Variants in ILDR1 observed in about 807,000 individuals in gnomAD.
The protein encoded by ILDR1 is immunoglobulin like domain containing receptor 1.
A neutral mutation model predicts 62.4 loss-of-function variants in ILDR1; 56 were observed. The ratio of observed to expected loss-of-function variants is 0.90; its 90% CI spans 0.72 to 1.12. The LOEUF (loss-of-function observed/expected upper bound fraction) is 1.12. ILDR1 is among the 50% of genes most tolerant of loss of function. The probability of loss-of-function intolerance (pLI) is 0.00; values close to 1 mark genes in which losing one functional copy is unlikely to be tolerated. For synonymous variants in ILDR1, 284 were observed against 277.8 expected (o/e 1.02, Z -0.22); for missense variants, 736 against 710.6 (o/e 1.04, Z -0.41).
chr3:122,049,297 GA>G, the ILDR1 span, among the ~76,000 whole-genome samples: 1 of 152,068 alleles, frequency 6.6e-6, no homozygotes, highest in Admixed American at 6.5e-5. Flanking sequence ...TCCAGCATGT[GA>G]TCTATTAAAA....
chr3:122,022,502 G>A (rs1353350254), upstream of ILDR1, among the ~76,000 whole-genome samples: 3 of 152,184 alleles, frequency 2.0e-5, no homozygotes, highest in Non-Finnish European at 4.4e-5. Context: ...TAACTTTCTA[G>A]GGTGTGTTTC....
At chr3:122,053,989 T>C in the ILDR1 span, among the ~76,000 whole-genome samples, 2 of 152,256 alleles carry the variant, frequency 1.3e-5, no homozygotes, top group Admixed American at 1.3e-4. Context: ...ATTTTGAAGA[T>C]AGATAACTTA....
chr3:121,998,761 A>G (rs1193836795), intron 5 of ILDR1, among the ~76,000 whole-genome samples: 2 of 152,062 alleles, frequency 1.3e-5, no homozygotes, highest in Non-Finnish European at 1.5e-5. Flanking sequence ...AAGATCCCTG[A>G]AAGGTAGGGG....
chr3:122,032,931 T>A, the ILDR1 span, among the ~76,000 whole-genome samples: 2 of 152,218 alleles, frequency 1.3e-5, no homozygotes, highest in Non-Finnish European at 2.9e-5. Flanking sequence ...TTAAAAACCA[T>A]ACAGCCAAGC....
chr3:122,010,238 C>T (rs376889923), intron 1 of ILDR1, among the ~76,000 whole-genome samples: 6 of 152,056 alleles, frequency 3.9e-5, no homozygotes, highest in Non-Finnish European at 5.9e-5. Flanking sequence ...ATAAATAAGG[C>T]GGGGCTGGTG....
At chr3:122,026,416 A>T (rs901785033), upstream of ILDR1, among the ~76,000 whole-genome samples, 1 of 152,216 alleles carries the variant, frequency 6.6e-6, no homozygotes, top group African/African-American at 2.4e-5. Context: ...ATAATTGATG[A>T]TCAATTAGTG....
intron 1 of ILDR1, among the ~76,000 whole-genome samples, chr3:122,008,925 T>C (rs2071660517): frequency 6.6e-6 from 1 of 150,688 alleles, no homozygotes; most frequent in African/African-American, 2.4e-5. Context: ...TTTTTTTCTT[T>C]CTTTCTTTCT....
chr3:122,060,225 T>A, the ILDR1 span, among the ~76,000 whole-genome samples: 3 of 152,170 alleles, frequency 2.0e-5, no homozygotes, highest in Non-Finnish European at 4.4e-5. Context: ...CAGGTCAAAT[T>A]CTGCAGAAAG....
chr3:121,996,407 C>T (rs954493945), intron 5 of ILDR1, among the ~76,000 whole-genome samples: 2 of 152,210 alleles, frequency 1.3e-5, no homozygotes, highest in African/African-American at 4.8e-5. Flanking sequence ...AGGGTCTCAC[C>T]CTTCCTTCTT....
chr3:122,040,165 A>G, the ILDR1 span, among the ~76,000 whole-genome samples: 1 of 152,024 alleles, frequency 6.6e-6, no homozygotes, highest in Non-Finnish European at 1.5e-5. Context: ...GGAGTAAACC[A>G]GAATTAAACA....
the ILDR1 span, among the ~76,000 whole-genome samples, chr3:122,041,507 A>T: frequency 3.3e-5 from 5 of 152,200 alleles, no homozygotes; most frequent in African/African-American, 1.2e-4. Flanking sequence ...ACACAGTTTC[A>T]GGTAGTCTGT....
At chr3:122,028,929 G>A in the ILDR1 span, among the ~76,000 whole-genome samples, 1 of 152,184 alleles carries the variant, frequency 6.6e-6, no homozygotes, top group African/African-American at 2.4e-5. Flanking sequence ...CTTGGACACA[G>A]GTACCTGTGC....
At chr3:122,005,474 G>A (rs1489771085) in intron 2 of ILDR1, 81 bp from the exon 3 acceptor site, 12 of 1,490,104 alleles carry the variant, frequency 8.1e-6, no homozygotes, top group Non-Finnish European at 1.1e-5. Context: ...CTCCGGGCGT[G>A]AGACACAGTG....
In ILDR1 at chr3:121,988,350, T is replaced by C. The variant is rs1239773407; in HGVS notation, c.*17A>G. ...GGAGCCGAGAAGTAGCCACAGAAGT[T>C]GTGCTGTGCTTGGTGACTAAATGAC... On this transcript the variant is annotated 3_prime_UTR_variant, in exon 8 of 8. Coordinates refer to ENST00000344209, the MANE Select transcript of ILDR1 (RefSeq NM_001199799.2). 3 of 1,610,510 alleles carry C rather than the reference T, an allele frequency of 1.9e-6. No individual in the cohort carries two copies. Among genetic ancestry groups the C allele is most frequent in the African/African-American group, 1.3e-5 (1 of 74,834 alleles).
At chr3:122,036,773 C>A in the ILDR1 span, among the ~76,000 whole-genome samples, 1 of 152,160 alleles carries the variant, frequency 6.6e-6, no homozygotes, top group Admixed American at 6.5e-5. Context: ...TAGGGCATTT[C>A]AGAGACTTTC....
the ILDR1 span, among the ~76,000 whole-genome samples, chr3:122,047,499 C>T: frequency 2.6e-5 from 4 of 152,222 alleles, no homozygotes; most frequent in South Asian, 2.1e-4. Context: ...CAATGGCGGG[C>T]GCCCCTCCCC....
intron 1 of ILDR1, among the ~76,000 whole-genome samples, chr3:122,018,911 C>T (rs185292757): frequency 9.5e-4 from 145 of 152,284 alleles, no homozygotes; most frequent in Middle Eastern, 3.4e-3. Context: ...TCCATACGTC[C>T]ACCCCCACCA....
intron 2 of ILDR1, among the ~76,000 whole-genome samples, chr3:122,006,630 C>A (rs2071614396): frequency 6.7e-6 from 1 of 150,320 alleles, no homozygotes. Context: ...TTCTTGCCTG[C>A]ATTCTAAGGT....
At position 121,993,396 on chromosome 3, in the gene ILDR1, G is replaced by C. The variant is rs761401095; in HGVS notation, c.1353C>G (p.Ser451Arg). 1 of 1,613,270 alleles carries C rather than the reference G, an allele frequency of 6.2e-7. No homozygotes were observed. Among genetic ancestry groups the C allele is most frequent in the Non-Finnish European group, 8.5e-7 (1 of 1,179,458 alleles). ...SRCQERPRRP[S>R]PRESTQRHGR... is the part of the protein sequence containing the mutation. The stretch of plus-strand genomic sequence containing the variant: ...CGTGCCTCTGAGTGCTCTCCCGGGG[G>C]CTGGGCCTGCGGGGCCTCTCCTGAC... Residue 451 changes from serine (S) to arginine (R), a missense_variant, in exon 7 of 8, where the codon AGC becomes AGG. By Grantham distance (110) the Ser-to-Arg change is moderately radical. Coordinates refer to ENST00000344209, the MANE Select transcript of ILDR1 (RefSeq NM_001199799.2).
Sources: allele counts gnomAD v4.1 joint callset (sites outside exome capture counted in the v4.1 genomes callset), GRCh38; gene constraint gnomAD v4.1.1; transcripts MANE v1.5; gene names NCBI Gene and HGNC (gene_info 2026-07-23, HGNC 2026-07-21).